The following TTC7B variants were observed in gnomAD, a reference collection of about 807,000 sequenced individuals.
The protein encoded by TTC7B is tetratricopeptide repeat domain 7B, also known as tetratricopeptide repeat protein 7B.
TTC7B carries 28 observed loss-of-function variants against 106.8 expected under a neutral mutation model. The ratio of observed to expected loss-of-function variants is 0.26; its 90% CI spans 0.19 to 0.36. The LOEUF (loss-of-function observed/expected upper bound fraction) is 0.36. Among genes scored for constraint, TTC7B ranks in the 10% least tolerant of loss-of-function variants. The pLI, the probability that TTC7B is intolerant of heterozygous loss-of-function variation, is 1.00. For missense variants in TTC7B, 862 were observed against 1,076.4 expected (o/e 0.80, Z 2.79); for synonymous variants, 405 against 430.6 (o/e 0.94, Z 0.74).
intron 18 of TTC7B, among the ~76,000 whole-genome samples, chr14:90,590,550 T>A (rs1040205283): frequency 1.1e-4 from 17 of 152,212 alleles, no homozygotes; most frequent in South Asian, 1.0e-3. Flanking sequence ...ACAAAACTTA[T>A]GGGCTCTGGC....
chr14:90,798,139 C>T (rs2029996191), intron 1 of TTC7B, among the ~76,000 whole-genome samples: 1 of 152,190 alleles, frequency 6.6e-6, no homozygotes, highest in African/African-American at 2.4e-5. Context: ...CAGCCCATAC[C>T]TAGCCCAGGC....
At chr14:90,549,459 G>A (rs1889981656) in intron 19 of TTC7B, among the ~76,000 whole-genome samples, 1 of 152,258 alleles carries the variant, frequency 6.6e-6, no homozygotes, top group South Asian at 2.1e-4. Flanking sequence ...CTCCCTTTGG[G>A]AAGATGACAG....
chr14:90,697,354 A>T (rs1245219637), intron 5 of TTC7B: 1 of 147,064 alleles, frequency 6.8e-6, no homozygotes, highest in East Asian at 1.9e-4. Flanking sequence ...GTCCGTTATG[A>T]CACAGAAGTG....
rs571702262 is a variant in TTC7B, at chr14:90,812,245, G to A, written c.121+3930C>T. ...CAGGTAAGGTCCAAATTTTAGACCC[G>A]GTGCCAGGTCACTGCACTTTCACAC... On this transcript the variant is annotated intron_variant, in intron 1 of 19. Transcript: ENST00000328459. 1.8e-4 allele frequency among the ~76,000 whole-genome samples: 28 copies of A among 152,186 alleles called. No homozygotes were observed. In the South Asian group the frequency reaches 5.0e-3, roughly 27 times the overall value.
rs562004975 is a variant in TTC7B at position 90,628,942 on chromosome 14, G to A, written c.1752-10897C>T. Among the ~76,000 whole-genome samples, 11 of 152,376 alleles carry A rather than the reference G, an allele frequency of 7.2e-5. No individual in the cohort carries two copies. The South Asian group carries it at 1.4e-3, about 20-fold the overall frequency. Reference sequence around the variant, plus strand: ...ACAGCCCTCCTCCCTGAAGGTGAGCGATTCTTCGGAGGCATAGCACGCTCC... The same window carrying A: ...ACAGCCCTCCTCCCTGAAGGTGAGCAATTCTTCGGAGGCATAGCACGCTCC... On this transcript the variant is annotated intron_variant, in intron 15 of 19. Coordinates refer to ENST00000328459, the MANE Select transcript of TTC7B (RefSeq NM_001010854.2).
intron 19 of TTC7B, among the ~76,000 whole-genome samples, chr14:90,554,114 T>C (rs544594324): frequency 2.0e-5 from 3 of 152,346 alleles, no homozygotes; most frequent in Admixed American, 1.3e-4. Flanking sequence ...AACTGGGTGC[T>C]TCAGCATTGG....
intron 1 of TTC7B, among the ~76,000 whole-genome samples, chr14:90,790,319 TA>T (rs1452013243): frequency 6.6e-6 from 1 of 152,140 alleles, no homozygotes; most frequent in Non-Finnish European, 1.5e-5. Context: ...AACTCTTCTT[TA>T]AAAACTGGAA....
rs978242075 is a variant in TTC7B, at chr14:90,608,903, C to T, written c.1966+1839G>A. On this transcript the variant is annotated intron_variant, in intron 17 of 19. Coordinates refer to ENST00000328459, the MANE Select transcript of TTC7B (RefSeq NM_001010854.2). This position sits in a 1 kb window ranked among gnomAD's most constrained non-coding sequence, Gnocchi z 5.1. The stretch of plus-strand genomic sequence containing the variant: ...GAAAGGGGGTCTGAATTTAGTGTGG[C>T]TGTTCTCACAGGATACTTAGGAGGG... 1.4e-4 allele frequency among the ~76,000 whole-genome samples: 22 copies of T among 152,240 alleles called. No homozygotes were observed. Among genetic ancestry groups the T allele is most frequent in the African/African-American group, 4.8e-4 (20 of 41,464 alleles).
chr14:90,772,612 C>G (rs928435489), intron 3 of TTC7B: 3 of 152,162 alleles, frequency 2.0e-5, no homozygotes, highest in African/African-American at 7.2e-5. Context: ...TAATGGATAT[C>G]TTTATGTTCT....
intron 7 of TTC7B, among the ~76,000 whole-genome samples, chr14:90,684,098 T>A (rs1357227727): frequency 1.3e-5 from 2 of 151,926 alleles, no homozygotes; most frequent in Non-Finnish European, 2.9e-5. Flanking sequence ...CACTCAATAT[T>A]CCATGATAAT....
intron 18 of TTC7B, among the ~76,000 whole-genome samples, chr14:90,590,400 A>C (rs563511503): frequency 6.6e-6 from 1 of 152,142 alleles, no homozygotes; most frequent in South Asian, 2.1e-4. Flanking sequence ...GTCCACCTCC[A>C]CTGTGGGCTC....
chr14:90,764,856 G>A (rs988794897), intron 3 of TTC7B, among the ~76,000 whole-genome samples: 4 of 152,124 alleles, frequency 2.6e-5, no homozygotes, highest in Admixed American at 2.0e-4. Flanking sequence ...TCATGCAGGT[G>A]AGCTGCTTTG....
At chr14:90,727,906 G>C (rs1889171372) in intron 5 of TTC7B, among the ~76,000 whole-genome samples, 1 of 152,212 alleles carries the variant, frequency 6.6e-6, no homozygotes, top group Non-Finnish European at 1.5e-5. Flanking sequence ...AGCTGCTGGT[G>C]CTTAGGGACA....
At chr14:90,730,301 C>T in intron 4 of TTC7B, 105 bp from the exon 5 acceptor site, 1 of 1,367,676 alleles carries the variant, frequency 7.3e-7, no homozygotes, top group Non-Finnish European at 9.8e-7. Context: ...CCAACTTCCT[C>T]AGGCAAATAT....
chr14:90,669,829 G>C (rs991370402), intron 9 of TTC7B, among the ~76,000 whole-genome samples: 1 of 152,200 alleles, frequency 6.6e-6, no homozygotes, highest in Non-Finnish European at 1.5e-5. Context: ...ATTGCTGGTA[G>C]GAATGTAAAA....
At chr14:90,754,302 G>A (rs1285303507) in intron 3 of TTC7B, among the ~76,000 whole-genome samples, 1 of 152,168 alleles carries the variant, frequency 6.6e-6, no homozygotes, top group East Asian at 1.9e-4. Context: ...TCTCTATGAT[G>A]TATCTGTCTT....
rs868659349 is a variant in TTC7B, at chr14:90,536,436, C to G, written c.*4932G>C. ...GCTCCTGCCCAGCCAGCTGCCTCCC[C>G]CTCAGAGGCTCCACAGGCATTTTGT... On this transcript the variant is annotated 3_prime_UTR_variant, in exon 20 of 20. Coordinates refer to ENST00000328459, the MANE Select transcript of TTC7B (RefSeq NM_001010854.2). 1 of 152,672 alleles carries G rather than the reference C, an allele frequency of 6.5e-6. No individual in the cohort carries two copies. The highest frequency in any genetic ancestry group is 1.9e-4 in the East Asian group (1 of 5,164). The allele number at this position is 152,672 out of a possible 1,614,324, so 9.5% of individuals were successfully genotyped here.
intron 3 of TTC7B, among the ~76,000 whole-genome samples, chr14:90,777,234 C>T (rs991932495): frequency 9.9e-5 from 15 of 152,150 alleles, no homozygotes; most frequent in South Asian, 4.2e-4. Flanking sequence ...AGCGAGACTC[C>T]GTTTTTTTAT....
chr14:90,564,798 C>A (rs1197296915), intron 19 of TTC7B, among the ~76,000 whole-genome samples: 3 of 152,160 alleles, frequency 2.0e-5, no homozygotes, highest in African/African-American at 7.2e-5. Context: ...ATAGCCCTAG[C>A]TACTTGGGAG....
Sources: gnomAD v4.1 joint callset for allele counts (sites outside exome capture counted in the v4.1 genomes callset) on GRCh38, gnomAD v4.1.1 for gene constraint, Gnocchi (gnomAD v3.1) non-coding constraint, MANE v1.5 for transcripts, NCBI Gene and HGNC (gene_info 2026-07-23, HGNC 2026-07-21) for gene names.